Variants in PI4K2B observed in about 807,000 individuals in gnomAD.
PI4K2B encodes phosphatidylinositol 4-kinase type 2 beta.
In PI4K2B, 46 loss-of-function variants were observed where a neutral mutation model predicts 56.6. The observed-to-expected ratio is 0.81, with a 90% CI of 0.64 to 1.04. The LOEUF is 1.04. Ranked by LOEUF, PI4K2B falls within the 50% of genes least tolerant of loss-of-function variation. PI4K2B has a pLI of 0.00. For synonymous variants in PI4K2B, 211 were observed against 223.8 expected (o/e 0.94, Z 0.51); for missense variants, 556 against 607.7 (o/e 0.91, Z 0.89).
intron 9 of PI4K2B, among the ~76,000 whole-genome samples, chr4:25,269,633 C>G (rs1716798719): frequency 6.8e-6 from 1 of 147,180 alleles, no homozygotes; most frequent in African/African-American, 2.6e-5. Context: ...GAGCAAAACT[C>G]CATCTCAAAA....
chr4:25,249,828 C>G (rs951355154), intron 1 of PI4K2B, among the ~76,000 whole-genome samples: 12 of 152,218 alleles, frequency 7.9e-5, no homozygotes, highest in African/African-American at 2.9e-4. Context: ...GGCGGTCGGG[C>G]AGAGACTGCA....
At chr4:25,253,602 T>C (rs866065076) in intron 2 of PI4K2B, among the ~76,000 whole-genome samples, 45 of 152,240 alleles carry the variant, frequency 3.0e-4, no homozygotes, top group Middle Eastern at 6.3e-3. Context: ...TATTGCATTA[T>C]ATTTATTGTG....
chr4:25,269,753 GC>G (rs763545752), intron 9 of PI4K2B, among the ~76,000 whole-genome samples: 4 of 151,412 alleles, frequency 2.6e-5, no homozygotes, highest in Admixed American at 6.6e-5. Flanking sequence ...TCGCTCTGTA[GC>G]CCAGGCTGGA....
At chr4:25,243,822 T>G (rs1715645759) in intron 1 of PI4K2B, among the ~76,000 whole-genome samples, 1 of 152,134 alleles carries the variant, frequency 6.6e-6, no homozygotes, top group Non-Finnish European at 1.5e-5. Context: ...AGAACACAGG[T>G]CGACAGATGT....
chr4:25,242,556 T>C (rs1715572477), intron 1 of PI4K2B, among the ~76,000 whole-genome samples: 2 of 152,252 alleles, frequency 1.3e-5, no homozygotes, highest in Admixed American at 6.5e-5. Context: ...CCACTGGATA[T>C]AGAGGAATTA....
chr4:25,260,103 A>G (rs2109018021), intron 5 of PI4K2B, among the ~76,000 whole-genome samples: 1 of 152,294 alleles, frequency 6.6e-6, no homozygotes, highest in East Asian at 1.9e-4. Flanking sequence ...CTTAATTTAC[A>G]TATATATGTT....
chr4:25,256,872 T>A (rs1053209779), intron 4 of PI4K2B, among the ~76,000 whole-genome samples, 198 bp downstream of exon 4: 1 of 151,354 alleles, frequency 6.6e-6, no homozygotes, highest in Non-Finnish European at 1.5e-5. Context: ...TCTAAGAGGA[T>A]AGATGGATGC....
intron 3 of PI4K2B, 127 bp downstream of exon 3, chr4:25,255,392 T>A: frequency 1.4e-6 from 1 of 713,532 alleles, no homozygotes; most frequent in Non-Finnish European, 2.4e-6. Context: ...AGTCCAAGAG[T>A]CATGAGTGAC....
intron 1 of PI4K2B, among the ~76,000 whole-genome samples, chr4:25,247,944 C>T (rs35216947): frequency 0.042 from 6,426 of 152,192 alleles, 188 homozygotes; most frequent in East Asian, 0.15. Flanking sequence ...CACAAGTGAC[C>T]CTCCTGCCTC....
intron 1 of PI4K2B, among the ~76,000 whole-genome samples, chr4:25,238,841 AG>A (rs1168697552): frequency 2.0e-5 from 3 of 151,616 alleles, no homozygotes; most frequent in African/African-American, 7.3e-5. Flanking sequence ...GGACCTGAGC[AG>A]GTTGCCACTG....
At chr4:25,238,588 G>A (rs945535317) in intron 1 of PI4K2B, among the ~76,000 whole-genome samples, 3 of 152,072 alleles carry the variant, frequency 2.0e-5, no homozygotes, top group Non-Finnish European at 2.9e-5. Flanking sequence ...TGGTGGGTTC[G>A]TGGTCTCGCT....
In PI4K2B at chr4:25,265,133, T is replaced by C. The variant is rs1193645458; in HGVS notation, c.1078+1284T>C. On this transcript the variant is annotated intron_variant, in intron 7 of 9. Transcript: ENST00000264864. Reference sequence around the variant, plus strand: ...TCGCTTGAACCTGGGAGGCAGAGGATGCTGTGAGCCGAGATCGCGCCATTG... The same window carrying C: ...TCGCTTGAACCTGGGAGGCAGAGGACGCTGTGAGCCGAGATCGCGCCATTG... Among the ~76,000 whole-genome samples, 3 of 133,840 alleles carry C rather than the reference T, an allele frequency of 2.2e-5. No individual in the cohort carries two copies. In the East Asian group the frequency reaches 6.6e-4, roughly 30 times the overall value. The allele number at this position is 133,840 out of a possible 152,430, so 87.8% of individuals were successfully genotyped here.
intron 9 of PI4K2B, among the ~76,000 whole-genome samples, chr4:25,271,136 C>T (rs1182667751): frequency 6.6e-6 from 1 of 152,188 alleles, no homozygotes; most frequent in Admixed American, 6.5e-5. Flanking sequence ...CACATTTATG[C>T]AGTGCTTAAT....
chr4:25,254,902 A>G (rs550712600), intron 2 of PI4K2B, among the ~76,000 whole-genome samples, 163 bp from the exon 3 acceptor site: 2 of 152,306 alleles, frequency 1.3e-5, no homozygotes, highest in East Asian at 1.9e-4. Flanking sequence ...GATTGGAACT[A>G]AATCTCTTAA....
Position 25,252,421 on chromosome 4 carries a change from A to G in PI4K2B, c.369A>G (p.Pro123=), listed in dbSNP as rs114076948. 412 of 1,612,476 alleles carry G rather than the reference A, an allele frequency of 2.6e-4. 2 individuals are homozygous for G. Among genetic ancestry groups the G allele is most frequent in the African/African-American group, 2.4e-3 (178 of 75,022 alleles). The part of the protein sequence containing the change: ...AEQAIEVGIF[P]ERISQGSSGS... ...AAGCAATAGAAGTTGGAATTTTTCC[A>G]GAAAGAATCTCTCAAGGTTCAAGTG... The change falls in exon 2 of 10, where the codon CCA becomes CCG. Residue 123 remains proline (P), a synonymous_variant. Transcript: ENST00000264864.
In PI4K2B at chr4:25,278,786, A is replaced by G. The variant is rs948747072; in HGVS notation, c.*1599A>G. ...GCAGTGATGTGGGTACTGCTTTCATAAAACAGTTTTTTCAGTATTTTGAGA... is the reference window on the plus strand; with the variant it reads ...GCAGTGATGTGGGTACTGCTTTCATGAAACAGTTTTTTCAGTATTTTGAGA... On this transcript the variant is annotated 3_prime_UTR_variant, in exon 10 of 10. Coordinates refer to ENST00000264864, the MANE Select transcript of PI4K2B (RefSeq NM_018323.4). 1 of 152,650 alleles carries G rather than the reference A, an allele frequency of 6.6e-6. No individual in the cohort carries two copies. The highest frequency in any genetic ancestry group is 1.5e-5 in the Non-Finnish European group (1 of 68,040). 9.5% of individuals were successfully genotyped at this position (152,650 alleles called of 1,614,324 possible). A position where few individuals can be genotyped will look rare whatever the true frequency, so the allele number is the denominator to read the frequency against.
At chr4:25,268,409 T>A (rs757013658) in intron 7 of PI4K2B, 34 bp from the exon 8 acceptor site, 2 of 1,567,524 alleles carry the variant, frequency 1.3e-6, no homozygotes, top group Non-Finnish European at 1.7e-6. Context: ...AACCATTTCC[T>A]ACCACTGATT....
intron 1 of PI4K2B, among the ~76,000 whole-genome samples, chr4:25,244,719 CT>C (rs1483579321): frequency 1.3e-5 from 2 of 152,142 alleles, no homozygotes; most frequent in African/African-American, 2.4e-5. Flanking sequence ...GTTTCTCCCC[CT>C]GCCCAAGAAC....
At chr4:25,258,241 T>A (rs578022067) in intron 4 of PI4K2B, among the ~76,000 whole-genome samples, 3 of 115,400 alleles carry the variant, frequency 2.6e-5, no homozygotes, top group South Asian at 5.5e-4. Flanking sequence ...ACAGTCTCGC[T>A]GTGTCGCCTA....
Sources: allele counts gnomAD v4.1 joint callset (sites outside exome capture counted in the v4.1 genomes callset), GRCh38; gene constraint gnomAD v4.1.1; transcripts MANE v1.5; gene names NCBI Gene and HGNC (gene_info 2026-07-23, HGNC 2026-07-21).